SYT1: variants seen among roughly 807,000 people sequenced by gnomAD.
SYT1 encodes the protein synaptotagmin-1.
A neutral mutation model predicts 44.8 loss-of-function variants in SYT1; 8 were observed. That is an observed-to-expected ratio of 0.18 (90% confidence interval 0.10 to 0.32). SYT1 has a LOEUF of 0.32. Ranked by LOEUF, SYT1 falls within the 10% of genes least tolerant of loss-of-function variation. The pLI is 1.00. For synonymous variants in SYT1, 154 were observed against 188.8 expected (o/e 0.82, Z 1.51); for missense variants, 286 against 509.3 (o/e 0.56, Z 4.22).
intron 2 of SYT1, among the ~76,000 whole-genome samples, chr12:79,022,004 G>C (rs1266823300): frequency 2.0e-5 from 3 of 151,400 alleles, no homozygotes; most frequent in Non-Finnish European, 4.4e-5. Context: ...TGAGGACAGT[G>C]TAAAACAGAG....
At chr12:78,931,514 C>T (rs1291268036) in intron 1 of SYT1, among the ~76,000 whole-genome samples, 5 of 152,108 alleles carry the variant, frequency 3.3e-5, no homozygotes, top group Non-Finnish European at 7.4e-5. Flanking sequence ...ATTCAGAGAG[C>T]TTCCATCTGC....
chr12:78,876,542 T>C (rs925388419), intron 1 of SYT1, among the ~76,000 whole-genome samples: 7 of 139,612 alleles, frequency 5.0e-5, no homozygotes, highest in Non-Finnish European at 9.3e-5. Context: ...TGTTATACTA[T>C]ATATATGAGT....
At chr12:79,126,591 TTAAATAAC>T (rs1868455849) in intron 3 of SYT1, among the ~76,000 whole-genome samples, 1 of 152,220 alleles carries the variant, frequency 6.6e-6, no homozygotes, top group African/African-American at 2.4e-5. Context: ...GAATTGTCCC[TTAAATAAC>T]TCCAGTGAAA....
chr12:79,342,419 T>TA (rs747129118), intron 8 of SYT1, among the ~76,000 whole-genome samples: 25 of 152,194 alleles, frequency 1.6e-4, no homozygotes, highest in Non-Finnish European at 2.9e-4. Flanking sequence ...TTTGTAGAGA[T>TA]AGAGTCTGGC....
chr12:79,170,120 C>A (rs989524888), intron 3 of SYT1, among the ~76,000 whole-genome samples: 3 of 152,044 alleles, frequency 2.0e-5, no homozygotes, highest in African/African-American at 7.2e-5. Context: ...TAGGTTGATT[C>A]CATATCTTTG....
chr12:79,160,281 G>GACTT (rs1870868258), intron 3 of SYT1, among the ~76,000 whole-genome samples: 1 of 152,070 alleles, frequency 6.6e-6, no homozygotes, highest in Non-Finnish European at 1.5e-5. Flanking sequence ...ATATAAGTAG[G>GACTT]ACTTACATGT....
At chr12:78,895,514 T>G (rs1875309925) in intron 1 of SYT1, among the ~76,000 whole-genome samples, 1 of 151,816 alleles carries the variant, frequency 6.6e-6, no homozygotes, top group African/African-American at 2.4e-5. Context: ...CACATTTTCA[T>G]TTATTTGTGA....
At chr12:79,260,033 T>C (rs551900670) in intron 4 of SYT1, among the ~76,000 whole-genome samples, 1 of 152,338 alleles carries the variant, frequency 6.6e-6, no homozygotes, top group South Asian at 2.1e-4. Flanking sequence ...GGTTTTATTT[T>C]ATTTTGATCA....
intron 1 of SYT1, among the ~76,000 whole-genome samples, chr12:78,901,529 C>T (rs1875663599): frequency 6.6e-6 from 1 of 152,064 alleles, no homozygotes; most frequent in African/African-American, 2.4e-5. Context: ...TAAAACTAAG[C>T]TTTTGCCTAC....
At chr12:79,435,829 C>G (rs551542333) in intron 9 of SYT1, among the ~76,000 whole-genome samples, 1 of 152,266 alleles carries the variant, frequency 6.6e-6, no homozygotes, top group African/African-American at 2.4e-5. Context: ...GCCTCTAGTG[C>G]CTAATGCCTA....
At chr12:79,435,880 G>A (rs1870060143) in intron 9 of SYT1, among the ~76,000 whole-genome samples, 1 of 152,106 alleles carries the variant, frequency 6.6e-6, no homozygotes, top group African/African-American at 2.4e-5. Flanking sequence ...AATCAAAAAT[G>A]TCTCAGACAT....
chr12:79,045,122 GCCT>G (rs1189871112), intron 2 of SYT1, among the ~76,000 whole-genome samples: 1 of 152,134 alleles, frequency 6.6e-6, no homozygotes, highest in Non-Finnish European at 1.5e-5. Context: ...AGGCAGGCAG[GCCT>G]CCTTGAGCTG....
At position 79,123,545 on chromosome 12, in the gene SYT1, G is replaced by A. The variant is rs73355559; in HGVS notation, c.-18+76183G>A. ...TCAAGGCTATGCTCTTAACCACAGC[G>A]CTGCATTCTTGTATTGAAAGCAGTT... is the stretch of plus-strand genomic sequence containing the variant. On this transcript the variant is annotated intron_variant, in intron 3 of 10. Coordinates refer to ENST00000261205, the MANE Select transcript of SYT1 (RefSeq NM_005639.3). 9.2e-3 allele frequency among the ~76,000 whole-genome samples: 1,401 copies of A among 152,224 alleles called. 27 individuals carry two copies. The highest frequency in any genetic ancestry group is 0.032 in the African/African-American group (1,330 of 41,526).
At chr12:79,283,197 A>C (rs1879138451) in intron 4 of SYT1, among the ~76,000 whole-genome samples, 1 of 152,180 alleles carries the variant, frequency 6.6e-6, no homozygotes, top group Non-Finnish European at 1.5e-5. Context: ...AAAGGTGCCA[A>C]TACATTGTGA....
chr12:79,076,047 C>A (rs1011259814), intron 3 of SYT1, among the ~76,000 whole-genome samples: 1 of 152,098 alleles, frequency 6.6e-6, no homozygotes, highest in Non-Finnish European at 1.5e-5. Flanking sequence ...AATTACATTA[C>A]AGAACACAGG....
Position 79,451,757 on chromosome 12 carries a change from C to T in SYT1, c.*2633C>T, listed in dbSNP as rs1328365989. The T allele has an allele frequency of 6.6e-6, 1 of 152,168 alleles. No individual in the cohort carries two copies. The highest frequency in any genetic ancestry group is 1.5e-5 in the Non-Finnish European group (1 of 68,032). 9.4% of individuals were successfully genotyped at this position (152,168 alleles called of 1,614,324 possible). A position where few individuals can be genotyped will look rare whatever the true frequency, so the allele number is the denominator to read the frequency against. ...TCCTAGTTGCCTTTGTGTATATTTACTGCCTGCTTGAGTGTTTCTATGTGT... is the reference window on the plus strand; with the variant it reads ...TCCTAGTTGCCTTTGTGTATATTTATTGCCTGCTTGAGTGTTTCTATGTGT... On this transcript the variant is annotated 3_prime_UTR_variant, in exon 11 of 11. Coordinates refer to ENST00000261205, the MANE Select transcript of SYT1 (RefSeq NM_005639.3).
At chr12:78,921,398 C>A (rs533121352) in intron 1 of SYT1, among the ~76,000 whole-genome samples, 1 of 152,012 alleles carries the variant, frequency 6.6e-6, no homozygotes, top group Non-Finnish European at 1.5e-5. Flanking sequence ...AGAAAGCAGT[C>A]AGTAGATGCT....
intron 2 of SYT1, among the ~76,000 whole-genome samples, chr12:79,015,839 C>G (rs1871770537): frequency 6.6e-6 from 1 of 151,976 alleles, no homozygotes; most frequent in Non-Finnish European, 1.5e-5. Context: ...TTTTGCCAAG[C>G]TAGGTAGGCC....
At chr12:79,354,360 G>A (rs1883029365) in intron 9 of SYT1, among the ~76,000 whole-genome samples, 1 of 152,078 alleles carries the variant, frequency 6.6e-6, no homozygotes, top group Admixed American at 6.5e-5. Context: ...TTCTTGATAT[G>A]CCACAAGGTC....
Sources: allele counts gnomAD v4.1 joint callset (sites outside exome capture counted in the v4.1 genomes callset), GRCh38; gene constraint gnomAD v4.1.1; transcripts MANE v1.5; gene names NCBI Gene and HGNC (gene_info 2026-07-23, HGNC 2026-07-21).